The following OR3A2 variants were observed in gnomAD, a reference collection of about 807,000 sequenced individuals.
OR3A2 encodes the protein olfactory receptor family 3 subfamily A member 2.
For missense variants in OR3A2, 318 were observed against 392.8 expected, an observed-to-expected ratio of 0.81 and a Z score of 1.61; for synonymous variants, 126 against 159.3, an observed-to-expected ratio of 0.79 and a Z score of 1.57.
intron 3 of OR3A2, among the ~76,000 whole-genome samples, chr17:3,315,751 T>TGGGG (rs59845428): frequency 7.8e-6 from 1 of 128,938 alleles, no homozygotes; most frequent in African/African-American, 2.8e-5. Context: ...GGTGAAAATA[T>TGGGG]GGGGGGGGGG....
At chr17:3,360,106 T>C (rs913678709) in intron 2 of OR3A2, among the ~76,000 whole-genome samples, 6 of 151,802 alleles carry the variant, frequency 4.0e-5, no homozygotes, top group South Asian at 2.1e-4. Context: ...TTTTAATGAT[T>C]GCCATTCTAA....
In OR3A2 at chr17:3,311,082, G is replaced by C. The variant is rs753137716; in HGVS notation, c.-85+24951C>G. On this transcript the variant is annotated intron_variant, in intron 3 of 4. Coordinates refer to the OR3A2 transcript ENST00000573491. The surrounding 1 kb of genome is among the most constrained non-coding windows in gnomAD (Gnocchi z 4.6). Reference sequence around the variant, plus strand: ...TGTGGTGGGCATCTTCTATGGGACGGGCGTCTTCAGCTACACAAGGCTGGG... The same window carrying C: ...TGTGGTGGGCATCTTCTATGGGACGCGCGTCTTCAGCTACACAAGGCTGGG... 9.2e-6 allele frequency: 5 copies of C among 544,148 alleles called. No individual in the cohort carries two copies. Among genetic ancestry groups the C allele is most frequent in the African/African-American group, 1.9e-5 (1 of 52,066 alleles). 33.7% of individuals were successfully genotyped at this position (544,148 alleles called of 1,614,324 possible).
intron 2 of OR3A2, among the ~76,000 whole-genome samples, chr17:3,374,583 C>T (rs947485388): frequency 6.6e-6 from 1 of 152,178 alleles, no homozygotes; most frequent in Non-Finnish European, 1.5e-5. Context: ...ATTGTTGAAA[C>T]TTCCCAATGT....
At chr17:3,385,393 A>T (rs979353723) in intron 1 of OR3A2, among the ~76,000 whole-genome samples, 7 of 152,244 alleles carry the variant, frequency 4.6e-5, no homozygotes, top group African/African-American at 1.7e-4. Context: ...GATAGATTAC[A>T]CAGATGATAC....
chr17:3,365,964 T>G (rs2049559351), intron 2 of OR3A2, among the ~76,000 whole-genome samples: 1 of 152,214 alleles, frequency 6.6e-6, no homozygotes, highest in Non-Finnish European at 1.5e-5. Flanking sequence ...TTCTTGAGAA[T>G]AGGAAGTCCT....
intron 3 of OR3A2, among the ~76,000 whole-genome samples, chr17:3,297,581 GCT>G (rs1334877254): frequency 2.6e-5 from 4 of 151,486 alleles, no homozygotes; most frequent in African/African-American, 9.8e-5. Flanking sequence ...ATACTTTACG[GCT>G]CTTAGCTCTG....
exon 2 of OR3A2, chr17:3,278,389 C>A (rs772174674): frequency 1.2e-6 from 2 of 1,614,160 alleles, no homozygotes; most frequent in South Asian, 1.1e-5. Context: ...AAGTGATTGA[C>A]CTCATTGGGG....
chr17:3,284,658 C>T (rs748148955), upstream of OR3A2: 2 of 146,858 alleles, frequency 1.4e-5, no homozygotes, highest in African/African-American at 2.6e-5. Context: ...GACTTTCTCA[C>T]AAGGAAGGCT....
At chr17:3,381,117 T>C (rs775480007) in intron 2 of OR3A2, among the ~76,000 whole-genome samples, 2 of 152,210 alleles carry the variant, frequency 1.3e-5, no homozygotes, top group South Asian at 2.1e-4. Flanking sequence ...TATGTGCCCA[T>C]ATATTCATAT....
intron 3 of OR3A2, among the ~76,000 whole-genome samples, chr17:3,329,170 C>A (rs1312087379): frequency 3.1e-4 from 47 of 151,914 alleles, no homozygotes; most frequent in African/African-American, 9.9e-4. Flanking sequence ...GTCTAAAATT[C>A]TCTTTTTTGG....
chr17:3,332,539 A>G (rs994903187), intron 3 of OR3A2, among the ~76,000 whole-genome samples: 1 of 152,196 alleles, frequency 6.6e-6, no homozygotes, highest in African/African-American at 2.4e-5. Flanking sequence ...AAGTGAGGCA[A>G]TGCCTCGCCC....
intron 2 of OR3A2, among the ~76,000 whole-genome samples, chr17:3,346,540 T>C (rs985979853): frequency 1.2e-4 from 18 of 152,318 alleles, no homozygotes; most frequent in East Asian, 3.9e-4. Context: ...AACAATCCAA[T>C]TATAGCAATT....
intron 2 of OR3A2, among the ~76,000 whole-genome samples, chr17:3,348,624 G>A (rs1392141341): frequency 2.0e-5 from 3 of 152,100 alleles, no homozygotes; most frequent in African/African-American, 7.2e-5. Flanking sequence ...TTATCCAGGA[G>A]AACTTCCCCA....
chr17:3,278,195 G>C, exon 2 of OR3A2: 1 of 1,614,236 alleles, frequency 6.2e-7, no homozygotes, highest in South Asian at 1.1e-5. Flanking sequence ...CACACGTGGA[G>C]AAGGCCTTCT....
chr17:3,367,601 G>GTGTATATA lies in OR3A2; in HGVS notation c.-179+16202_-179+16203insTATATACA, dbSNP rs1555530074. Among the ~76,000 whole-genome samples the GTGTATATA allele has an allele frequency of 1.0e-3, 124 of 122,536 alleles. 2 individuals are homozygous for GTGTATATA. The highest frequency in any genetic ancestry group is 4.7e-3 in the South Asian group (18 of 3,820). The allele number at this position is 122,536 out of a possible 152,430, so 80.4% of individuals were successfully genotyped here. A position where few individuals can be genotyped will look rare whatever the true frequency, so the allele number is the denominator to read the frequency against. On this transcript the variant is annotated intron_variant, in intron 2 of 4. Coordinates refer to the OR3A2 transcript ENST00000573491. ...TGTATATGTATATGTGTGTGTGTGT[G>GTGTATATA]TATATATATATATATATATATGCCA...
intron 2 of OR3A2, among the ~76,000 whole-genome samples, chr17:3,339,988 G>C (rs2049303576): frequency 6.6e-6 from 1 of 151,968 alleles, no homozygotes; most frequent in Non-Finnish European, 1.5e-5. Flanking sequence ...ACTTCTTCCT[G>C]GTTTAGTCTT....
chr17:3,313,343 G>A (rs368104716), intron 3 of OR3A2, among the ~76,000 whole-genome samples: 3 of 152,244 alleles, frequency 2.0e-5, no homozygotes, highest in East Asian at 3.9e-4. Context: ...CCAGCCATCC[G>A]TTGGGTCCCA....
chr17:3,326,675 G>A (rs1367098119), intron 3 of OR3A2, among the ~76,000 whole-genome samples: 1 of 146,262 alleles, frequency 6.8e-6, no homozygotes. Context: ...CTAGTATTAG[G>A]TATATCTCCC....
chr17:3,292,452 C>T, intron 3 of OR3A2: 2 of 1,613,646 alleles, frequency 1.2e-6, no homozygotes, highest in African/African-American at 1.3e-5. Context: ...GCTGAGGTTG[C>T]CCCTGACCGT....
Sources: allele counts gnomAD v4.1 joint callset (sites outside exome capture counted in the v4.1 genomes callset), GRCh38; gene constraint gnomAD v4.1.1; non-coding constraint Gnocchi (gnomAD v3.1); transcripts MANE v1.5; gene names NCBI Gene and HGNC (gene_info 2026-07-23, HGNC 2026-07-21).